HAVCR1: variants seen among roughly 807,000 people sequenced by gnomAD.
HAVCR1 encodes hepatitis A virus cellular receptor 1.
In HAVCR1, 34 loss-of-function variants were observed where a neutral mutation model predicts 32.0. The observed-to-expected ratio is 1.06, with a 90% CI of 0.81 to 1.42. HAVCR1 has a LOEUF of 1.42. Among genes scored for constraint, HAVCR1 ranks in the 40% most tolerant of loss-of-function variants. The pLI is 0.00. For missense variants in HAVCR1, 420 were observed against 442.3 expected (o/e 0.95, Z 0.45); for synonymous variants, 178 against 170.3 (o/e 1.05, Z -0.35).
In HAVCR1 at chr5:157,044,575, CA is replaced by C. The variant is rs1561590763; in HGVS notation, c.782-1894del. 2.0e-3 allele frequency among the ~76,000 whole-genome samples: 157 copies of C among 78,046 alleles called. 1 individual carries two copies. The highest frequency in any genetic ancestry group is 9.4e-3 in the African/African-American group (153 of 16,262). The allele number at this position is 78,046 out of a possible 152,430, so 51.2% of individuals were successfully genotyped here. On this transcript the variant is annotated intron_variant, in intron 5 of 8. Coordinates refer to ENST00000523175, the MANE Select transcript of HAVCR1 (RefSeq NM_001173393.3). ...GGAAGGAAGGAGAGAGAAAGAAAGA[CA>C]AAGAAAGAAGGAAAGAAAGAAAGAA...
chr5:157,047,165 G>A (rs1028063940), intron 5 of HAVCR1, among the ~76,000 whole-genome samples: 54 of 151,954 alleles, frequency 3.6e-4, no homozygotes, highest in South Asian at 2.1e-4. Flanking sequence ...AATTTCCCCC[G>A]CCTTTCTGAT....
intron 2 of HAVCR1, among the ~76,000 whole-genome samples, chr5:157,057,417 A>AAGAG (rs1209928464): frequency 6.2e-5 from 9 of 144,100 alleles, no homozygotes; most frequent in African/African-American, 2.5e-4. Context: ...GAAAGAAAGA[A>AAGAG]AGAAAGAAAG....
chr5:157,057,395 GAAAGAAAGAAAGAAA>G (rs1561605968), intron 2 of HAVCR1, among the ~76,000 whole-genome samples: 132 of 11,616 alleles, frequency 0.011, 1 homozygote, highest in African/African-American at 0.021. Context: ...AGGAAAGAAA[GAAAGAAAGAAAGAAA>G]GAAAGAAAGA....
intron 5 of HAVCR1, among the ~76,000 whole-genome samples, chr5:157,047,533 A>G (rs1359737632): frequency 6.7e-6 from 1 of 149,556 alleles, no homozygotes; most frequent in African/African-American, 2.5e-5. Flanking sequence ...CTGGGTGATG[A>G]CAGAGCAAGA....
At chr5:157,055,663 C>A in intron 2 of HAVCR1, 130 bp from the exon 3 acceptor site, 1 of 560,320 alleles carries the variant, frequency 1.8e-6, no homozygotes, top group African/African-American at 1.9e-5. Context: ...GTCAGGAGTT[C>A]AAGACCAGCC....
intron 8 of HAVCR1, among the ~76,000 whole-genome samples, chr5:157,030,624 G>T (rs1754117939): frequency 6.6e-6 from 1 of 152,192 alleles, no homozygotes; most frequent in Non-Finnish European, 1.5e-5. Flanking sequence ...CTGCACTCCA[G>T]CCTGGGCTGG....
chr5:157,053,525 G>C (rs1755902697), intron 3 of HAVCR1, among the ~76,000 whole-genome samples: 1 of 152,048 alleles, frequency 6.6e-6, no homozygotes, highest in South Asian at 2.1e-4. Context: ...TAAGGTCGTA[G>C]GTATTGGGTT....
intron 4 of HAVCR1, among the ~76,000 whole-genome samples, chr5:157,051,337 A>G (rs1210395529): frequency 6.6e-6 from 1 of 152,178 alleles, no homozygotes; most frequent in Non-Finnish European, 1.5e-5. Context: ...TGTGTAAGTC[A>G]TTGACTACCC....
In HAVCR1 at chr5:157,044,468, AAAGGAAGGAAGGAAGGAAGG is replaced by A. The variant is rs201451883; in HGVS notation, c.782-1806_782-1787del. Among the ~76,000 whole-genome samples the A allele has an allele frequency of 1.1e-3, 72 of 62,970 alleles. 1 individual carries two copies. Among genetic ancestry groups the A allele is most frequent in the East Asian group, 2.4e-3 (5 of 2,076 alleles). The allele number at this position is 62,970 out of a possible 152,430, so 41.3% of individuals were successfully genotyped here. ...GAAAGAAAGAAAGAAAGAAAGAAAGAAAGGAAGGAAGGAAGGAAGGAAGGAAGGAAGGAAGGAAGGAGGAA... is the reference window on the plus strand; with the variant it reads ...GAAAGAAAGAAAGAAAGAAAGAAAGAAAGGAAGGAAGGAAGGAAGGAGGAA... On this transcript the variant is annotated intron_variant, in intron 5 of 8. Transcript: ENST00000523175.
chr5:157,038,538 G>A (rs764185241), intron 6 of HAVCR1, among the ~76,000 whole-genome samples: 8 of 152,188 alleles, frequency 5.3e-5, no homozygotes, highest in Non-Finnish European at 7.3e-5. Flanking sequence ...GACATAGACA[G>A]TAGATTCAAT....
Position 157,055,422 on chromosome 5 carries a change from G to C in HAVCR1, c.158C>G (p.Ser53Cys), listed in dbSNP as rs766596791. ...AATGCCATTTTGGCATGTGAATAGA[G>C]AACATGAGCCTCTATTCCAGCACAT... ...TSMCWNRGSC[S>C]LFTCQNGIVW... The change falls in exon 3 of 9, where the codon TCT (serine) becomes TGT (cysteine). Residue 53 changes from serine (S) to cysteine (C), a missense_variant. Physicochemically the swap from Ser to Cys is moderately radical, Grantham distance 112. Transcript: ENST00000523175. 6.2e-7 allele frequency: 1 copy of C among 1,612,226 alleles called. No individual in the cohort carries two copies. The highest frequency in any genetic ancestry group is 1.1e-5 in the South Asian group (1 of 91,058).
chr5:157,061,784 G>A (rs898098992), upstream of HAVCR1, among the ~76,000 whole-genome samples: 3 of 152,104 alleles, frequency 2.0e-5, no homozygotes, highest in African/African-American at 7.2e-5. Context: ...TTTTGATGAC[G>A]GAATGTGGGG....
chr5:157,044,676 A>AGGAAGGAG (rs1554090594), intron 5 of HAVCR1, among the ~76,000 whole-genome samples: 3 of 109,454 alleles, frequency 2.7e-5, no homozygotes, highest in African/African-American at 9.4e-5. Flanking sequence ...AAAGAAAGAA[A>AGGAAGGAG]GGAGGGAGGG....
chr5:157,037,729 A>G (rs769695649), intron 6 of HAVCR1, among the ~76,000 whole-genome samples: 2 of 152,190 alleles, frequency 1.3e-5, no homozygotes, highest in Non-Finnish European at 1.5e-5. Context: ...TGTGATATTA[A>G]AAAAGAAAAA....
chr5:157,038,422 A>G (rs934933172), intron 6 of HAVCR1, among the ~76,000 whole-genome samples: 2 of 152,210 alleles, frequency 1.3e-5, no homozygotes, highest in Admixed American at 6.5e-5. Context: ...TCTCATTTGT[A>G]AAATCTTAAT....
Position 157,052,185 on chromosome 5 carries a change from G to T in HAVCR1, c.673+176C>A, listed in dbSNP as rs573266182. ...CCTCACTCCAAAAATGCTCATTGGT[G>T]CAAAAGACGCATACAACTTGGGAGT... On this transcript the variant is annotated intron_variant, in intron 4 of 8. Transcript: ENST00000523175. Among the ~76,000 whole-genome samples the T allele has an allele frequency of 3.9e-5, 6 of 152,300 alleles. No homozygotes were observed. The South Asian group carries it at 1.2e-3, about 32-fold the overall frequency.
intron 8 of HAVCR1, among the ~76,000 whole-genome samples, chr5:157,031,551 C>T (rs561870693): frequency 2.6e-5 from 4 of 152,156 alleles, no homozygotes; most frequent in South Asian, 4.1e-4. Flanking sequence ...GGGCCAGGTG[C>T]GGTCCCTCAC....
chr5:157,066,990 G>A, the HAVCR1 span, among the ~76,000 whole-genome samples: 1 of 152,204 alleles, frequency 6.6e-6, no homozygotes, highest in Non-Finnish European at 1.5e-5. Context: ...GGAGGCTGAG[G>A]CATGAGAATC....
intron 8 of HAVCR1, among the ~76,000 whole-genome samples, chr5:157,031,213 G>T (rs926725976): frequency 6.6e-6 from 1 of 152,168 alleles, no homozygotes; most frequent in Non-Finnish European, 1.5e-5. Context: ...GGGCTTGAAT[G>T]CAATAACAAA....
Sources: allele counts gnomAD v4.1 joint callset (sites outside exome capture counted in the v4.1 genomes callset), GRCh38; gene constraint gnomAD v4.1.1; transcripts MANE v1.5; gene names NCBI Gene and HGNC (gene_info 2026-07-23, HGNC 2026-07-21).